Variants in SOX6 observed in about 807,000 individuals in gnomAD.
The protein encoded by SOX6 is transcription factor SOX-6.
Under a neutral mutation model 97.8 loss-of-function variants are expected in SOX6, and 11 were observed. The observed-to-expected ratio is 0.11, with a 90% confidence interval of 0.07 to 0.19. The LOEUF (loss-of-function observed/expected upper bound fraction) is 0.19. SOX6 is among the 10% of genes least tolerant of loss of function. SOX6 has a pLI of 1.00. For synonymous variants in SOX6, 360 were observed against 371.4 expected, an observed-to-expected ratio of 0.97 and a Z score of 0.35; for missense variants, 810 against 1,039.5, an observed-to-expected ratio of 0.78 and a Z score of 3.04.
chr11:16,091,771 ACATAAGACC>A (rs1848694706), intron 9 of SOX6, among the ~76,000 whole-genome samples: 1 of 151,948 alleles, frequency 6.6e-6, no homozygotes, highest in African/African-American at 2.4e-5. Flanking sequence ...CCTAAACTAC[ACATAAGACC>A]CATCAAATAA....
chr11:16,504,300 T>C (rs1436243861), intron 4 of SOX6, among the ~76,000 whole-genome samples: 3 of 152,056 alleles, frequency 2.0e-5, no homozygotes, highest in Non-Finnish European at 4.4e-5. Flanking sequence ...AGAAGTCAAA[T>C]TGTCCCTCTT....
intron 9 of SOX6, among the ~76,000 whole-genome samples, chr11:16,063,334 C>T (rs931457099): frequency 6.6e-6 from 1 of 150,622 alleles, no homozygotes; most frequent in Non-Finnish European, 1.5e-5. Flanking sequence ...CCTTCCAGTA[C>T]ACATAATGGT....
At chr11:16,511,979 A>G (rs934664593) in intron 4 of SOX6, among the ~76,000 whole-genome samples, 2 of 152,208 alleles carry the variant, frequency 1.3e-5, no homozygotes, top group East Asian at 3.8e-4. Context: ...GCATGGCAAG[A>G]CATAACTAAA....
chr11:16,551,731 G>T (rs1182111958), intron 4 of SOX6, among the ~76,000 whole-genome samples: 1 of 152,072 alleles, frequency 6.6e-6, no homozygotes, highest in Non-Finnish European at 1.5e-5. Context: ...AGCCTCCTGA[G>T]TAGCTGGGAT....
chr11:15,992,865 T>A (rs1854098156), intron 13 of SOX6, among the ~76,000 whole-genome samples: 1 of 152,004 alleles, frequency 6.6e-6, no homozygotes. Flanking sequence ...TCTTCAATAT[T>A]CTGATAGAAA....
intron 4 of SOX6, among the ~76,000 whole-genome samples, chr11:16,597,020 T>A (rs548368112): frequency 1.3e-5 from 2 of 152,144 alleles, no homozygotes; most frequent in Non-Finnish European, 2.9e-5. Flanking sequence ...TTCTAACTTA[T>A]GACATACAAG....
At chr11:16,390,817 T>G (rs938310957) in intron 1 of SOX6, among the ~76,000 whole-genome samples, 7 of 152,168 alleles carry the variant, frequency 4.6e-5, no homozygotes, top group Non-Finnish European at 8.8e-5. Flanking sequence ...AGAAATACCA[T>G]TTGACACAGC....
intron 3 of SOX6, among the ~76,000 whole-genome samples, chr11:16,700,300 A>G (rs1422670631): frequency 6.6e-6 from 1 of 152,232 alleles, no homozygotes; most frequent in Non-Finnish European, 1.5e-5. Flanking sequence ...TGGAAACAAC[A>G]AGAACAAAGC....
chr11:16,457,439 T>TA (rs1265198831), intron 1 of SOX6, among the ~76,000 whole-genome samples: 2 of 152,050 alleles, frequency 1.3e-5, no homozygotes, highest in African/African-American at 4.8e-5. Flanking sequence ...CATCAGAAGA[T>TA]AGAGAATGTC....
intron 13 of SOX6, among the ~76,000 whole-genome samples, chr11:16,012,825 G>A (rs1399696534): frequency 6.6e-6 from 1 of 151,878 alleles, no homozygotes; most frequent in Non-Finnish European, 1.5e-5. Context: ...ATGTGTATAA[G>A]GATTAAATGA....
chr11:16,399,518 G>A (rs1044669532), intron 1 of SOX6, among the ~76,000 whole-genome samples: 1 of 151,198 alleles, frequency 6.6e-6, no homozygotes, highest in African/African-American at 2.4e-5. Context: ...GAAAATATAA[G>A]CCATATACAG....
intron 4 of SOX6, among the ~76,000 whole-genome samples, chr11:16,190,690 G>A (rs987604500): frequency 3.3e-5 from 5 of 152,102 alleles, no homozygotes; most frequent in Non-Finnish European, 5.9e-5. Flanking sequence ...CTGTATTGGG[G>A]ATCATATATA....
At chr11:16,129,732 G>A (rs1174430321) in intron 6 of SOX6, among the ~76,000 whole-genome samples, 1 of 152,010 alleles carries the variant, frequency 6.6e-6, no homozygotes, top group African/African-American at 2.4e-5. Context: ...AGTAACACTT[G>A]AAAAAATTTA....
chr11:16,008,692 G>A (rs1273032474), intron 13 of SOX6, among the ~76,000 whole-genome samples: 1 of 152,094 alleles, frequency 6.6e-6, no homozygotes, highest in Non-Finnish European at 1.5e-5. Context: ...GAGCTTTTAA[G>A]ACACAGCAAA....
rs1848329558 is a variant in SOX6, at chr11:16,605,992, G to A, written n.609+6089C>T. The A allele has an allele frequency of 6.6e-6, 1 of 152,210 alleles. No individual in the cohort carries two copies. 9.4% of individuals were successfully genotyped at this position (152,210 alleles called of 1,614,324 possible). On this transcript the variant is annotated intron_variant and non_coding_transcript_variant, in intron 4 of 5. Coordinates refer to the SOX6 transcript ENST00000524520. The surrounding 1 kb of genome is among the most constrained non-coding windows in gnomAD (Gnocchi z 5.3). Reference sequence around the variant, plus strand: ...TCCAGGTTGGATATTGTCTACGTATGGATCAGCCCTTGGATGAGGGTTTAT... The same window carrying A: ...TCCAGGTTGGATATTGTCTACGTATAGATCAGCCCTTGGATGAGGGTTTAT...
chr11:16,120,521 CAT>C (rs1002456388), intron 6 of SOX6, among the ~76,000 whole-genome samples: 26 of 150,298 alleles, frequency 1.7e-4, no homozygotes, highest in African/African-American at 6.3e-4. Context: ...ACTTCAAAGT[CAT>C]ATGTTTTAGT....
intron 3 of SOX6, among the ~76,000 whole-genome samples, chr11:16,259,171 A>T (rs940072484): frequency 3.9e-5 from 6 of 151,934 alleles, no homozygotes; most frequent in Admixed American, 2.0e-4. Flanking sequence ...TTTATTTCAA[A>T]TATTTGCAAA....
At chr11:16,227,176 T>C (rs1852712085) in intron 4 of SOX6, among the ~76,000 whole-genome samples, 1 of 152,220 alleles carries the variant, frequency 6.6e-6, no homozygotes, top group Non-Finnish European at 1.5e-5. Context: ...CTTACAAAAG[T>C]TACTTACCAA....
At chr11:16,679,600 T>G (rs1847911094) in intron 3 of SOX6, among the ~76,000 whole-genome samples, 1 of 152,150 alleles carries the variant, frequency 6.6e-6, no homozygotes, top group South Asian at 2.1e-4. Flanking sequence ...GGAACAAAAC[T>G]GGACAGAAAA....
Sources: allele counts gnomAD v4.1 joint callset (sites outside exome capture counted in the v4.1 genomes callset), GRCh38; gene constraint gnomAD v4.1.1; non-coding constraint Gnocchi (gnomAD v3.1); transcripts MANE v1.5; gene names NCBI Gene and HGNC (gene_info 2026-07-23, HGNC 2026-07-21).